RYR3: variants seen among roughly 807,000 people sequenced by gnomAD.
RYR3 encodes the protein ryanodine receptor 3.
In RYR3, 207 loss-of-function variants were observed where a neutral mutation model predicts 584.3. The observed-to-expected ratio is 0.35, with a 90% CI of 0.32 to 0.40. The LOEUF (loss-of-function observed/expected upper bound fraction) is 0.40. Among genes scored for constraint, RYR3 ranks in the 10% least tolerant of loss-of-function variants. RYR3 has a pLI of 1.00. For missense variants in RYR3, 5,616 were observed against 6,089.2 expected (o/e 0.92, Z 2.59); for synonymous variants, 2,416 against 2,248.5 (o/e 1.07, Z -2.11).
chr15:33,614,474 A>G, intron 19 of RYR3, among the ~76,000 whole-genome samples: 1 of 152,124 alleles, frequency 6.6e-6, no homozygotes, highest in Non-Finnish European at 1.5e-5. Context: ...GTTATTTTAA[A>G]TCTTTGCTGA....
intron 1 of RYR3, among the ~76,000 whole-genome samples, chr15:33,355,878 G>T (rs766268853): frequency 4.6e-5 from 7 of 152,102 alleles, no homozygotes; most frequent in Non-Finnish European, 7.4e-5. Flanking sequence ...TCAGTTATTG[G>T]CTTCTTTCTC....
chr15:33,739,551 G>T (rs1476704420), intron 50 of RYR3, among the ~76,000 whole-genome samples: 1 of 151,786 alleles, frequency 6.6e-6, no homozygotes, highest in Non-Finnish European at 1.5e-5. Flanking sequence ...TAACCCTTAG[G>T]TAGTCTTGAA....
chr15:33,411,433 A>G (rs1342834843), intron 1 of RYR3, among the ~76,000 whole-genome samples: 2 of 152,166 alleles, frequency 1.3e-5, no homozygotes, highest in Non-Finnish European at 2.9e-5. Context: ...CGTTCTTTTC[A>G]TATTTACATG....
chr15:33,595,231 TGAGA>T (rs559124825), intron 16 of RYR3, among the ~76,000 whole-genome samples: 1 of 152,218 alleles, frequency 6.6e-6, no homozygotes, highest in Non-Finnish European at 1.5e-5. Flanking sequence ...CTTCATTCTT[TGAGA>T]GAGAAGACTT....
chr15:33,778,753 G>A (rs1489064922), intron 64 of RYR3, among the ~76,000 whole-genome samples: 1 of 152,214 alleles, frequency 6.6e-6, no homozygotes, highest in Non-Finnish European at 1.5e-5. Context: ...TGCCTCTGGA[G>A]CAGTCCTGGG....
intron 1 of RYR3, among the ~76,000 whole-genome samples, chr15:33,402,970 A>T (rs2042781633): frequency 6.6e-6 from 1 of 152,242 alleles, no homozygotes; most frequent in Non-Finnish European, 1.5e-5. Context: ...CAACCCTGCT[A>T]TGAGCAACCA....
chr15:33,814,678 C>A (rs1236242603), intron 74 of RYR3, among the ~76,000 whole-genome samples: 1 of 151,990 alleles, frequency 6.6e-6, no homozygotes, highest in Non-Finnish European at 1.5e-5. Context: ...GCAGGCAGAT[C>A]ACTTAAGGTC....
intron 1 of RYR3, among the ~76,000 whole-genome samples, chr15:33,371,583 C>A (rs936278960): frequency 6.6e-6 from 1 of 152,098 alleles, no homozygotes; most frequent in Non-Finnish European, 1.5e-5. Flanking sequence ...GCTTTATTGT[C>A]CATGGGGTTT....
Position 33,623,944 on chromosome 15 carries a change from A to T in RYR3, c.2495A>T (p.Asp832Val). 6.2e-7 allele frequency: 1 copy of T among 1,614,006 alleles called. No homozygotes were observed. The highest frequency in any genetic ancestry group is 8.5e-7 in the Non-Finnish European group (1 of 1,179,864). The change falls in exon 20 of 104, where the codon GAT (aspartate) becomes GTT (valine). Residue 832 changes from aspartate to valine, a missense_variant. By Grantham distance (152) the Asp-to-Val change is radical (BLOSUM62 -3). Coordinates refer to ENST00000634891, the MANE Select transcript of RYR3 (RefSeq NM_001036.6). ...EPVKEYKRDA[D>V]GIRDLLGTTQ... ...GTCAAAGAATATAAACGTGATGCTG[A>T]TGGCATTAGAGATCTCTTGGGTACC...
In RYR3 at chr15:33,496,352, C is replaced by T. The variant is rs147302531; in HGVS notation, c.172-7279C>T. Among the ~76,000 whole-genome samples, 901 of 152,220 alleles carry T rather than the reference C, an allele frequency of 5.9e-3. 3 individuals are homozygous for T. The highest frequency in any genetic ancestry group is 0.013 in the South Asian group (65 of 4,826). ...CTACACAATCTGAAATCTAGAGCCA[C>T]GACAGTGAACACCACCCATATTTAT... On this transcript the variant is annotated intron_variant, in intron 2 of 103. Transcript: ENST00000634891.
chr15:33,367,477 C>T (rs565569566), intron 1 of RYR3, among the ~76,000 whole-genome samples: 8 of 152,248 alleles, frequency 5.3e-5, no homozygotes, highest in African/African-American at 1.7e-4. Context: ...ATGTGAACAA[C>T]GGGGCTTTCT....
chr15:33,443,541 A>G (rs924349464), intron 1 of RYR3, among the ~76,000 whole-genome samples: 1 of 152,180 alleles, frequency 6.6e-6, no homozygotes, highest in African/African-American at 2.4e-5. Flanking sequence ...GAAATTAGAA[A>G]ACAGCCCTTA....
intron 23 of RYR3, among the ~76,000 whole-genome samples, chr15:33,632,541 T>TA (rs2061321223): frequency 6.6e-6 from 1 of 152,250 alleles, no homozygotes; most frequent in African/African-American, 2.4e-5. Context: ...TGCTGATTTA[T>TA]AAGGAGACAT....
At chr15:33,801,802 T>C in intron 68 of RYR3, 67 bp from the exon 69 acceptor site, 1 of 827,294 alleles carries the variant, frequency 1.2e-6, no homozygotes, top group Non-Finnish European at 2.0e-6. Context: ...TTGGGGAGCT[T>C]AGAATCTTAT....
Position 33,613,391 on chromosome 15 carries a change from G to A in RYR3, c.2357+16G>A. On this transcript the variant is annotated intron_variant, in intron 19 of 103. Coordinates refer to ENST00000634891, the MANE Select transcript of RYR3 (RefSeq NM_001036.6). ...CAGGTGTCAAGTAAGTTATGGCTGT[G>A]ATTTCATGGAGAGTAGCAGTTACCC... 1 of 1,578,118 alleles carries A rather than the reference G, an allele frequency of 6.3e-7. No homozygotes were observed. Among genetic ancestry groups the A allele is most frequent in the Admixed American group, 1.7e-5 (1 of 57,284 alleles).
intron 1 of RYR3, among the ~76,000 whole-genome samples, chr15:33,392,309 C>T (rs1385651555): frequency 6.6e-6 from 1 of 151,214 alleles, no homozygotes; most frequent in Non-Finnish European, 1.5e-5. Flanking sequence ...ACGACTTGTG[C>T]TCCACTCTTA....
chr15:33,382,612 GTGCCCA>G (rs2041283556), intron 1 of RYR3, among the ~76,000 whole-genome samples: 3 of 152,054 alleles, frequency 2.0e-5, no homozygotes, highest in African/African-American at 7.2e-5. Context: ...ATGAGCCACC[GTGCCCA>G]CCCCAAAAAA....
intron 33 of RYR3, 64 bp downstream of exon 33, chr15:33,659,870 A>G (rs1325669088): frequency 1.2e-5 from 13 of 1,126,176 alleles, no homozygotes; most frequent in African/African-American, 7.6e-5. Flanking sequence ...CATTAGGGGG[A>G]AAATCCCAGG....
Position 33,640,786 on chromosome 15 carries a change from G to A in RYR3, c.3557-3525G>A, listed in dbSNP as rs376931351. Among the ~76,000 whole-genome samples, 5 of 152,278 alleles carry A rather than the reference G, an allele frequency of 3.3e-5. 1 individual carries two copies. Among genetic ancestry groups the A allele is most frequent in the East Asian group, 1.9e-4 (1 of 5,184 alleles). On this transcript the variant is annotated intron_variant, in intron 27 of 103. Transcript: ENST00000634891. ...ATCTTGGCCGAAGACTGTGCCTTTT[G>A]CAAATTTTCTTCTCAAACCTCTTCA...
Sources: allele counts gnomAD v4.1 joint callset (sites outside exome capture counted in the v4.1 genomes callset), GRCh38; gene constraint gnomAD v4.1.1; transcripts MANE v1.5; gene names NCBI Gene and HGNC (gene_info 2026-07-23, HGNC 2026-07-21).